Variants in STAC observed in about 807,000 individuals in gnomAD.
STAC encodes the protein SH3 and cysteine rich domain, also known as SH3 and cysteine-rich domain-containing protein.
In STAC, 43 loss-of-function variants were observed where a neutral mutation model predicts 48.8. The ratio of observed to expected loss-of-function variants is 0.88; its 90% CI spans 0.69 to 1.14. The LOEUF is 1.14. Ranked by LOEUF, STAC falls within the 50% of genes most tolerant of loss-of-function variation. The pLI, the probability that STAC is intolerant of heterozygous loss-of-function variation, is 0.00. For missense variants in STAC, 497 were observed against 504.0 expected (o/e 0.99, Z 0.13); for synonymous variants, 193 against 179.5 (o/e 1.07, Z -0.60).
intron 2 of STAC, among the ~76,000 whole-genome samples, chr3:36,469,440 G>A (rs1310887201): frequency 1.3e-5 from 2 of 152,210 alleles, no homozygotes; most frequent in East Asian, 3.9e-4. Context: ...TATAAGATTT[G>A]GGCTGAGAAA....
chr3:36,467,580 A>C (rs1314236146), intron 2 of STAC, among the ~76,000 whole-genome samples: 1 of 152,038 alleles, frequency 6.6e-6, no homozygotes, highest in Non-Finnish European at 1.5e-5. Flanking sequence ...AGAGGGTTGT[A>C]TATTTCCAGG....
chr3:36,473,633 G>A, intron 2 of STAC, among the ~76,000 whole-genome samples: 1 of 152,130 alleles, frequency 6.6e-6, no homozygotes, highest in Middle Eastern at 3.2e-3. Context: ...CCTTAAGCAT[G>A]ACTTTTACCA....
intron 8 of STAC, among the ~76,000 whole-genome samples, chr3:36,512,111 G>C (rs962991947): frequency 6.6e-6 from 1 of 152,138 alleles, no homozygotes; most frequent in African/African-American, 2.4e-5. Context: ...CCTTAGATTT[G>C]TAGAGACAAT....
At chr3:36,486,579 A>G (rs1341606789) in intron 5 of STAC, among the ~76,000 whole-genome samples, 1 of 152,208 alleles carries the variant, frequency 6.6e-6, no homozygotes, top group African/African-American at 2.4e-5. Context: ...TGGCTCAAAC[A>G]ATGGTCAGGA....
At chr3:36,530,587 T>C (rs866687073) in intron 10 of STAC, among the ~76,000 whole-genome samples, 1 of 142,124 alleles carries the variant, frequency 7.0e-6, no homozygotes, top group Non-Finnish European at 1.5e-5. Context: ...TTTCTTTTTT[T>C]TTTTTCTTTT....
chr3:36,458,036 G>T (rs1261644503), intron 2 of STAC, among the ~76,000 whole-genome samples: 3 of 152,158 alleles, frequency 2.0e-5, no homozygotes, highest in Non-Finnish European at 1.5e-5. Context: ...GCTAAGACAG[G>T]GTTGGAAAAG....
intron 1 of STAC, among the ~76,000 whole-genome samples, chr3:36,437,326 C>T (rs1300521797): frequency 1.3e-5 from 2 of 151,500 alleles, no homozygotes; most frequent in South Asian, 2.1e-4. Context: ...CACATGCACA[C>T]GTATGTTTAT....
chr3:36,454,250 T>C (rs973440741), intron 2 of STAC, among the ~76,000 whole-genome samples: 2 of 152,042 alleles, frequency 1.3e-5, no homozygotes, highest in East Asian at 3.9e-4. Context: ...GCTGTAACAC[T>C]CACTGCAAAG....
intron 8 of STAC, among the ~76,000 whole-genome samples, chr3:36,523,319 G>C (rs1698850254): frequency 6.6e-6 from 1 of 152,196 alleles, no homozygotes; most frequent in Non-Finnish European, 1.5e-5. Context: ...GCAAACAAAA[G>C]CAAAAGGCCA....
chr3:36,472,242 G>T (rs965905914), intron 2 of STAC, among the ~76,000 whole-genome samples: 1 of 152,230 alleles, frequency 6.6e-6, no homozygotes, highest in South Asian at 2.1e-4. Context: ...CATGGCTGGA[G>T]TGACTGGGAC....
chr3:36,497,941 C>T (rs1698188259), intron 6 of STAC, among the ~76,000 whole-genome samples: 3 of 152,100 alleles, frequency 2.0e-5, no homozygotes, highest in African/African-American at 7.2e-5. Context: ...AATATAAACC[C>T]TCTCTAGAGG....
At chr3:36,422,536 A>G (rs1037555824) in intron 1 of STAC, among the ~76,000 whole-genome samples, 4 of 152,164 alleles carry the variant, frequency 2.6e-5, no homozygotes, top group African/African-American at 9.7e-5. Flanking sequence ...TGACAAACAG[A>G]AAAATATTCC....
At chr3:36,518,318 C>A (rs1205748177) in intron 8 of STAC, among the ~76,000 whole-genome samples, 3 of 151,938 alleles carry the variant, frequency 2.0e-5, no homozygotes, top group Non-Finnish European at 4.4e-5. Context: ...AATGCCTGTT[C>A]CAAATAATTA....
intron 2 of STAC, among the ~76,000 whole-genome samples, chr3:36,444,491 G>A (rs552323666): frequency 6.6e-6 from 1 of 152,200 alleles, no homozygotes; most frequent in African/African-American, 2.4e-5. Context: ...GAACCAGTGG[G>A]CTAGTCACAT....
intron 1 of STAC, among the ~76,000 whole-genome samples, chr3:36,407,605 C>G (rs1700110166): frequency 6.6e-6 from 1 of 152,184 alleles, no homozygotes; most frequent in Admixed American, 6.5e-5. Context: ...TTTATATGAG[C>G]CACTTTGTTA....
rs142985713 is a variant in STAC, at chr3:36,490,007, A to G, written c.688-3144A>G. On this transcript the variant is annotated intron_variant, in intron 5 of 10. Coordinates refer to ENST00000273183, the MANE Select transcript of STAC (RefSeq NM_003149.3). ...TGATTTGGGGAGCCGAACGATTTCC[A>G]TTTTAAAAACCCCTCCAGGTGATTC... is the stretch of plus-strand genomic sequence containing the variant. 4.5e-4 allele frequency among the ~76,000 whole-genome samples: 68 copies of G among 152,330 alleles called. 2 individuals carry two copies. Among genetic ancestry groups the G allele is most frequent in the Non-Finnish European group, 1.5e-5 (1 of 68,024 alleles).
chr3:36,380,618 C>G lies in STAC; in HGVS notation c.-26C>G. 6.5e-7 allele frequency: 1 copy of G among 1,532,414 alleles called. No homozygotes were observed. Among genetic ancestry groups the G allele is most frequent in the Non-Finnish European group, 8.9e-7 (1 of 1,126,130 alleles). 94.9% of individuals were successfully genotyped at this position (1,532,414 alleles called of 1,614,324 possible). On this transcript the variant is annotated 5_prime_UTR_variant, in exon 1 of 11. Transcript: ENST00000273183. ...AGAAGCCTCGCTGTTCCTCCGGGAGCCCAACACCGTTCCCGCGCGGCCACG... is the reference window on the plus strand; with the variant it reads ...AGAAGCCTCGCTGTTCCTCCGGGAGGCCAACACCGTTCCCGCGCGGCCACG...
At position 36,487,443 on chromosome 3, in the gene STAC, T is replaced by A. The variant is rs111566956; in HGVS notation, c.687+1194T>A. 5.8e-3 allele frequency among the ~76,000 whole-genome samples: 879 copies of A among 152,350 alleles called. 3 individuals are homozygous for A. The highest frequency in any genetic ancestry group is 0.017 in the Middle Eastern group (5 of 294). On this transcript the variant is annotated intron_variant, in intron 5 of 10. Transcript: ENST00000273183. ...GGAAAGAACTAAAAATAATTTTTAC[T>A]CTTTTTCCTTACTGTACATAAAATT...
chr3:36,539,792 C>T (rs548834363), intron 10 of STAC, among the ~76,000 whole-genome samples: 4 of 152,300 alleles, frequency 2.6e-5, no homozygotes, highest in South Asian at 4.1e-4. Flanking sequence ...CTGAGACATA[C>T]ATGCATATTT....
Sources: allele counts gnomAD v4.1 joint callset (sites outside exome capture counted in the v4.1 genomes callset), GRCh38; gene constraint gnomAD v4.1.1; transcripts MANE v1.5; gene names NCBI Gene and HGNC (gene_info 2026-07-23, HGNC 2026-07-21).